Variants in BIRC6 observed in about 807,000 individuals in gnomAD.
BIRC6 encodes the protein dual E2 ubiquitin-conjugating enzyme/E3 ubiquitin-protein ligase BIRC6.
BIRC6 carries 98 observed loss-of-function variants against 503.3 expected under a neutral mutation model. The observed-to-expected ratio is 0.19, with a 90% CI of 0.17 to 0.23. The LOEUF (loss-of-function observed/expected upper bound fraction) is 0.23. BIRC6 is among the 10% of genes least tolerant of loss of function. BIRC6 has a pLI of 1.00. For synonymous variants in BIRC6, 2,240 were observed against 2,078.7 expected (o/e 1.08, Z -2.11); for missense variants, 5,360 against 5,806.0 (o/e 0.92, Z 2.50).
intron 20 of BIRC6, among the ~76,000 whole-genome samples, chr2:32,445,178 C>T (rs1396547637): frequency 1.3e-5 from 2 of 152,206 alleles, no homozygotes; most frequent in African/African-American, 4.8e-5. Context: ...TCAGTCTCCT[C>T]ACTTTTTCAG....
Position 32,463,257 on chromosome 2 carries a change from C to G in BIRC6, c.4817C>G (p.Ser1606Trp). 1.2e-6 allele frequency: 2 copies of G among 1,613,584 alleles called. No homozygotes were observed. Among genetic ancestry groups the G allele is most frequent in the Non-Finnish European group, 1.7e-6 (2 of 1,179,704 alleles). The change falls in exon 24 of 74, where the codon TCG (serine) becomes TGG (tryptophan). Residue 1606 changes from serine to tryptophan, a missense_variant. Ser to Trp is a radical substitution (Grantham distance 177, BLOSUM62 -3). This residue lies in a region of BIRC6 where 2,299 missense variants were observed against 2,267.2 expected (regional missense o/e 1.01). Coordinates refer to ENST00000421745, the MANE Select transcript of BIRC6 (RefSeq NM_016252.4). ...TCATCTGGGACAGTTGGGGAAGCCT[C>G]GACAGCCCTGAGTTCAGCAGCCCAG... ...GLSSGTVGEASTALSSAAQVA... is the reference protein window; with the variant it reads ...GLSSGTVGEAWTALSSAAQVA...
At position 32,529,812 on chromosome 2, in the gene BIRC6, C is replaced by T; in HGVS notation, c.12082C>T (p.His4028Tyr). 4 of 1,605,460 alleles carry T rather than the reference C, an allele frequency of 2.5e-6. No individual in the cohort carries two copies. Among genetic ancestry groups the T allele is most frequent in the Middle Eastern group, 1.7e-4 (1 of 6,040 alleles). Residue 4028 changes from histidine (H) to tyrosine (Y), a missense_variant, in exon 60 of 74, where the codon CAC becomes TAC. By Grantham distance (83) the His-to-Tyr change is moderately conservative. Coordinates refer to ENST00000421745, the MANE Select transcript of BIRC6 (RefSeq NM_016252.4). ...AAAAACAGATTCTTATAAAAGACTA[C>T]ACCCTGAAAAAGGTATGTGCATAAT... ...LSKTDSYKRL[H>Y]PEKDHGDLLA...
chr2:32,618,427 T>C lies in BIRC6; in HGVS notation c.*523T>C, dbSNP rs934294579. On this transcript the variant is annotated 3_prime_UTR_variant, in exon 74 of 74. Coordinates refer to ENST00000421745, the MANE Select transcript of BIRC6 (RefSeq NM_016252.4). The stretch of plus-strand genomic sequence containing the variant: ...GTTAAATGGACATACTCCCTCTTTT[T>C]TGATTTACTGGTACATTTTTAAAAT... 1.3e-5 allele frequency: 2 copies of C among 152,276 alleles called. No homozygotes were observed. The highest frequency in any genetic ancestry group is 2.9e-5 in the Non-Finnish European group (2 of 68,030). 9.4% of individuals were successfully genotyped at this position (152,276 alleles called of 1,614,324 possible). A position where few individuals can be genotyped will look rare whatever the true frequency, so the allele number is the denominator to read the frequency against.
chr2:32,386,443 TC>T (rs200557980), intron 3 of BIRC6, among the ~76,000 whole-genome samples: 1,624 of 127,862 alleles, frequency 0.013, 18 homozygotes, highest in Middle Eastern at 0.023. Flanking sequence ...AGTCTCTCTC[TC>T]TTTTTTTTTT....
intron 61 of BIRC6, chr2:32,532,351 A>T: frequency 2.4e-6 from 1 of 418,902 alleles, no homozygotes; most frequent in East Asian, 8.3e-5. Flanking sequence ...TGTAGGGAAG[A>T]CTCCTTCCTT....
At chr2:32,453,763 T>C (rs2046957503) in intron 22 of BIRC6, 45 bp from the exon 23 acceptor site, 4 of 1,590,954 alleles carry the variant, frequency 2.5e-6, no homozygotes, top group Non-Finnish European at 2.6e-6. Flanking sequence ...TATTGCTTTT[T>C]AAAAATTATC....
At chr2:32,558,139 A>G (rs935923143) in intron 65 of BIRC6, among the ~76,000 whole-genome samples, 2 of 152,150 alleles carry the variant, frequency 1.3e-5, no homozygotes, top group African/African-American at 4.8e-5. Flanking sequence ...ATAGTAAATG[A>G]GTGTATTTTA....
In BIRC6 at chr2:32,357,922, G is replaced by A. The variant is rs2033371014; in HGVS notation, c.325+436G>A. ...TGGCCGGAGGCGAGGGGCGGGGAGC[G>A]TCTGAGCCGGCAACCAAGCCCTCCC... On this transcript the variant is annotated intron_variant, in intron 1 of 73. Coordinates refer to ENST00000421745, the MANE Select transcript of BIRC6 (RefSeq NM_016252.4). The surrounding 1 kb of genome is among the most constrained non-coding windows in gnomAD (Gnocchi z 4.9). Among the ~76,000 whole-genome samples the A allele has an allele frequency of 6.6e-6, 1 of 152,060 alleles. No homozygotes were observed. Among genetic ancestry groups the A allele is most frequent in the Non-Finnish European group, 1.5e-5 (1 of 68,004 alleles).
rs193131484 is a variant in BIRC6, at chr2:32,383,924, A to G, written c.645+3634A>G. On this transcript the variant is annotated intron_variant, in intron 3 of 73. Transcript: ENST00000421745. ...TCCTAGAGAATCTCTTGGGTTCTGC[A>G]TAAGTTCTCCTTGCCCCTGTTACTT... is the stretch of plus-strand genomic sequence containing the variant. Among the ~76,000 whole-genome samples the G allele has an allele frequency of 3.9e-5, 6 of 152,332 alleles. No individual in the cohort carries two copies. The East Asian group carries it at 7.7e-4, about 20-fold the overall frequency.
chr2:32,578,760 T>C (rs1286112623), intron 66 of BIRC6, among the ~76,000 whole-genome samples: 1 of 151,494 alleles, frequency 6.6e-6, no homozygotes, highest in African/African-American at 2.4e-5. Context: ...TCACACTCCA[T>C]TACACTCCAG....
At chr2:32,585,669 C>A (rs1030702176) in intron 66 of BIRC6, among the ~76,000 whole-genome samples, 1 of 152,268 alleles carries the variant, frequency 6.6e-6, no homozygotes, top group Admixed American at 6.5e-5. Context: ...TGTGAGCCAC[C>A]GTGCCCAGCC....
At chr2:32,560,869 T>G (rs2059123856) in intron 65 of BIRC6, among the ~76,000 whole-genome samples, 1 of 148,822 alleles carries the variant, frequency 6.7e-6, no homozygotes, top group Non-Finnish European at 1.5e-5. Context: ...GTGCCCGACT[T>G]TTTTTTTTTT....
intron 10 of BIRC6, among the ~76,000 whole-genome samples, chr2:32,426,373 C>T (rs1459341425): frequency 5.9e-5 from 9 of 152,306 alleles, no homozygotes; most frequent in African/African-American, 1.4e-4. Flanking sequence ...GAGGTCAAGG[C>T]GGGCAGATCA....
intron 66 of BIRC6, among the ~76,000 whole-genome samples, chr2:32,586,151 G>A (rs2061004852): frequency 6.6e-6 from 1 of 151,576 alleles, no homozygotes; most frequent in Admixed American, 6.6e-5. Flanking sequence ...TGATCATTAG[G>A]ATTCACGCTT....
chr2:32,369,154 T>C (rs914285260), intron 1 of BIRC6, among the ~76,000 whole-genome samples: 2 of 150,786 alleles, frequency 1.3e-5, no homozygotes, highest in African/African-American at 4.9e-5. Flanking sequence ...GTCTGTTATA[T>C]AATAGACAAA....
At chr2:32,433,258 C>A (rs1341395562) in intron 12 of BIRC6, among the ~76,000 whole-genome samples, 1 of 152,028 alleles carries the variant, frequency 6.6e-6, no homozygotes, top group Non-Finnish European at 1.5e-5. Flanking sequence ...ATATATATAG[C>A]ATTTAAAACC....
intron 66 of BIRC6, among the ~76,000 whole-genome samples, chr2:32,584,625 A>T (rs887768481): frequency 2.0e-5 from 3 of 152,250 alleles, no homozygotes; most frequent in African/African-American, 4.8e-5. Flanking sequence ...TTCTTGTTCA[A>T]TTAAAATTAT....
At chr2:32,441,555 C>T in intron 17 of BIRC6, 93 bp downstream of exon 17, 1 of 1,241,796 alleles carries the variant, frequency 8.1e-7, no homozygotes, top group Admixed American at 2.6e-5. Context: ...AAATCTTTTA[C>T]CTGAAAATTT....
intron 63 of BIRC6, among the ~76,000 whole-genome samples, 163 bp from the exon 64 acceptor site, chr2:32,547,687 A>G (rs2058147642): frequency 6.6e-6 from 1 of 152,218 alleles, no homozygotes; most frequent in Non-Finnish European, 1.5e-5. Context: ...TAATACTAGA[A>G]GTAGAATTGC....
Sources: gnomAD v4.1 joint callset for allele counts (sites outside exome capture counted in the v4.1 genomes callset) on GRCh38, gnomAD v4.1.1 for gene constraint, gnomAD v4.1.1 regional missense constraint, Gnocchi (gnomAD v3.1) non-coding constraint, MANE v1.5 for transcripts, NCBI Gene and HGNC (gene_info 2026-07-23, HGNC 2026-07-21) for gene names.